Variants in MDM1 observed in about 807,000 individuals in gnomAD.
MDM1 encodes the protein stabilizer of axonemal microtubules 6.
Under a neutral mutation model 89.1 loss-of-function variants are expected in MDM1, and 61 were observed. The observed-to-expected ratio is 0.68, with a 90% CI of 0.56 to 0.85. The LOEUF is 0.85. Among genes scored for constraint, MDM1 ranks in the 40% least tolerant of loss-of-function variants. The pLI is 0.00. For missense variants in MDM1, 820 were observed against 846.5 expected (o/e 0.97, Z 0.39); for synonymous variants, 290 against 294.1 (o/e 0.99, Z 0.14).
chr12:68,319,117 T>C (rs973255059), intron 7 of MDM1, among the ~76,000 whole-genome samples: 1 of 152,200 alleles, frequency 6.6e-6, no homozygotes, highest in Admixed American at 6.5e-5. Flanking sequence ...AAGTTTAACA[T>C]AGATTAAGTA....
At chr12:68,305,562 G>C (rs1276091152) in intron 12 of MDM1, among the ~76,000 whole-genome samples, 5 of 152,014 alleles carry the variant, frequency 3.3e-5, no homozygotes, top group Non-Finnish European at 7.4e-5. Context: ...AAAGTTTCAG[G>C]ATACAAAAAT....
intron 12 of MDM1, among the ~76,000 whole-genome samples, chr12:68,303,375 T>A (rs1327780601): frequency 6.6e-6 from 1 of 152,160 alleles, no homozygotes; most frequent in African/African-American, 2.4e-5. Context: ...GGCAAGGATG[T>A]AGAGAAACTG....
At chr12:68,325,991 C>T (rs1444175759) in intron 3 of MDM1, 1 of 993,260 alleles carries the variant, frequency 1.0e-6, no homozygotes, top group Non-Finnish European at 1.2e-6. Context: ...CCAGCTTTTT[C>T]AACAAGCTAC....
chr12:68,294,915 C>A lies in MDM1; in HGVS notation c.*339G>T. The A allele has an allele frequency of 6.1e-6, 1 of 164,536 alleles. No homozygotes were observed. Among genetic ancestry groups the A allele is most frequent in the Non-Finnish European group, 1.3e-5 (1 of 75,944 alleles). The allele number at this position is 164,536 out of a possible 1,614,324, so 10.2% of individuals were successfully genotyped here. A position where few individuals can be genotyped will look rare whatever the true frequency, so the allele number is the denominator to read the frequency against. Reference sequence around the variant, plus strand: ...ATATCAAATCTTAGGGGAATATATACTTCACACTGGGATCTTAACTTTTAC... The same window carrying A: ...ATATCAAATCTTAGGGGAATATATAATTCACACTGGGATCTTAACTTTTAC... On this transcript the variant is annotated 3_prime_UTR_variant, in exon 15 of 15. Transcript: ENST00000682720.
intron 1 of MDM1, chr12:68,331,908 T>A: frequency 1.5e-6 from 1 of 652,260 alleles, no homozygotes; most frequent in East Asian, 3.0e-5. Flanking sequence ...GCCACAGGTG[T>A]CCCAATCTGA....
intron 13 of MDM1, among the ~76,000 whole-genome samples, chr12:68,302,380 G>GT (rs1190226848): frequency 2.0e-5 from 3 of 152,196 alleles, no homozygotes; most frequent in African/African-American, 7.2e-5. Flanking sequence ...TGGATTCCCT[G>GT]TATGTGTATG....
intron 12 of MDM1, among the ~76,000 whole-genome samples, chr12:68,311,510 C>T (rs1873682636): frequency 6.6e-6 from 1 of 152,182 alleles, no homozygotes; most frequent in African/African-American, 2.4e-5. Flanking sequence ...TCAGCAGTGC[C>T]TGCCCATGAA....
At chr12:68,309,742 C>G (rs1592960984) in intron 12 of MDM1, among the ~76,000 whole-genome samples, 1 of 152,062 alleles carries the variant, frequency 6.6e-6, no homozygotes, top group African/African-American at 2.4e-5. Context: ...ATAATAATAA[C>G]GTAATTTCTT....
intron 7 of MDM1, 137 bp downstream of exon 7, chr12:68,321,210 C>T (rs1337741469): frequency 2.0e-6 from 1 of 498,656 alleles, no homozygotes. Context: ...ACATAAGTTC[C>T]TGATACTATT....
chr12:68,317,790 T>C (rs76807821), intron 7 of MDM1, among the ~76,000 whole-genome samples: 1,596 of 152,334 alleles, frequency 0.01, 27 homozygotes, highest in African/African-American at 0.036. Context: ...GTATTCTGAA[T>C]GCACAGGAAC....
At chr12:68,324,828 G>A (rs1875726966) in intron 4 of MDM1, among the ~76,000 whole-genome samples, 1 of 152,124 alleles carries the variant, frequency 6.6e-6, no homozygotes, top group Non-Finnish European at 1.5e-5. Context: ...CCTAAAGGAT[G>A]AAGGTAGTAA....
intron 2 of MDM1, chr12:68,327,324 G>A: frequency 1.4e-6 from 2 of 1,472,480 alleles, no homozygotes; most frequent in Non-Finnish European, 1.8e-6. Flanking sequence ...TGATAGACCT[G>A]GCAGGCCAGG....
At position 68,297,067 on chromosome 12, in the gene MDM1, G is replaced by C; in HGVS notation, c.2003-85C>G. The C allele has an allele frequency of 3.4e-6, 3 of 883,244 alleles. No homozygotes were observed. In the South Asian group the frequency reaches 7.4e-5, roughly 22 times the overall value. The allele number at this position is 883,244 out of a possible 1,614,324, so 54.7% of individuals were successfully genotyped here. ...ATTATATACTAAACTGTTAGTAAAAGTAGGCTGTCAGAAATTTTATTAATT... is the reference window on the plus strand; with the variant it reads ...ATTATATACTAAACTGTTAGTAAAACTAGGCTGTCAGAAATTTTATTAATT... On this transcript the variant is annotated intron_variant, in intron 13 of 14. Transcript: ENST00000682720.
chr12:68,325,857 C>A, intron 3 of MDM1: 1 of 1,042,240 alleles, frequency 9.6e-7, no homozygotes, highest in Non-Finnish European at 1.2e-6. Context: ...TCCTACTAAT[C>A]ATTCATAATT....
intron 7 of MDM1, among the ~76,000 whole-genome samples, chr12:68,317,151 T>A (rs1409107281): frequency 6.6e-6 from 1 of 152,022 alleles, no homozygotes; most frequent in African/African-American, 2.4e-5. Flanking sequence ...AATAATAAAG[T>A]GATATGAATT....
intron 2 of MDM1, 140 bp downstream of exon 2, chr12:68,330,967 T>C (rs1876712160): frequency 1.6e-6 from 1 of 622,460 alleles, no homozygotes; most frequent in African/African-American, 1.8e-5. Context: ...AATAAATGAA[T>C]AAATCAACCA....
At chr12:68,306,232 G>T (rs1872871846) in intron 12 of MDM1, among the ~76,000 whole-genome samples, 1 of 151,424 alleles carries the variant, frequency 6.6e-6, no homozygotes, top group South Asian at 2.1e-4. Context: ...GAATGAAATT[G>T]GACCCCTATC....
At chr12:68,323,266 A>G in intron 4 of MDM1, 26 bp from the exon 5 acceptor site, 1 of 1,502,198 alleles carries the variant, frequency 6.7e-7, no homozygotes, top group Non-Finnish European at 8.9e-7. Context: ...ATTTTAGTTT[A>G]GTTTTGTTGA....
rs753255200 is a variant in MDM1 at position 68,315,087 on chromosome 12, G to A, written c.1390C>T (p.Gln464Ter). The A allele has an allele frequency of 6.2e-7, 1 of 1,613,812 alleles. No individual in the cohort carries two copies. Among genetic ancestry groups the A allele is most frequent in the Non-Finnish European group, 8.5e-7 (1 of 1,180,002 alleles). Residue 464 changes from glutamine (Q) to a stop codon, truncating the protein, a stop_gained, in exon 10 of 15, where the codon CAG (glutamine) becomes TAG (stop). Coordinates refer to ENST00000682720, the MANE Select transcript of MDM1 (RefSeq NM_001354969.2). LOFTEE classifies it high-confidence loss of function. The part of the protein sequence containing the change: ...WDTENTSEDV[Q>*]KQPGEKEEED... ...TCCTCTTTCTCCCCGGGCTGTTTCT[G>A]TACGTCTTCACTTGTGTTCTCTGTA...
Sources: gnomAD v4.1 joint callset for allele counts (sites outside exome capture counted in the v4.1 genomes callset) on GRCh38, gnomAD v4.1.1 for gene constraint, MANE v1.5 for transcripts, NCBI Gene and HGNC (gene_info 2026-07-23, HGNC 2026-07-21) for gene names.